FSTL4: variants seen among roughly 807,000 people sequenced by gnomAD.
FSTL4 encodes follistatin like 4.
A neutral mutation model predicts 78.2 loss-of-function variants in FSTL4; 28 were observed. The observed-to-expected ratio is 0.36, with a 90% CI of 0.27 to 0.49. FSTL4 has a LOEUF of 0.49. Ranked by LOEUF, FSTL4 falls within the 20% of genes least tolerant of loss-of-function variation. FSTL4 has a pLI of 0.98. For missense variants in FSTL4, 922 were observed against 1,084.9 expected (o/e 0.85, Z 2.11); for synonymous variants, 422 against 440.5 (o/e 0.96, Z 0.53).
rs953391364 is a variant in FSTL4 at position 133,583,360 on chromosome 5, G to A, written c.127-16141C>T. On this transcript the variant is annotated intron_variant, in intron 2 of 15. Coordinates refer to ENST00000265342, the MANE Select transcript of FSTL4 (RefSeq NM_015082.2). ...CCAGCGTGAGCGACGCAGAAGACGGGTGATTTCTGCATTTCCATCTGAGGT... is the reference window on the plus strand; with the variant it reads ...CCAGCGTGAGCGACGCAGAAGACGGATGATTTCTGCATTTCCATCTGAGGT... The A allele has an allele frequency of 2.6e-5, 7 of 270,516 alleles. 1 individual carries two copies. The highest frequency in any genetic ancestry group is 4.5e-5 in the Non-Finnish European group (6 of 133,788). 16.8% of individuals were successfully genotyped at this position (270,516 alleles called of 1,614,324 possible).
intron 4 of FSTL4, among the ~76,000 whole-genome samples, chr5:133,331,675 G>T (rs561652476): frequency 5.3e-5 from 8 of 152,330 alleles, no homozygotes; most frequent in African/African-American, 1.7e-4. Flanking sequence ...ACGGCTCAGA[G>T]AAATTTCCTG....
chr5:133,253,362 G>T (rs2126826906), intron 6 of FSTL4, among the ~76,000 whole-genome samples: 1 of 152,332 alleles, frequency 6.6e-6, no homozygotes, highest in Middle Eastern at 3.4e-3. Flanking sequence ...AAGCTCAGTG[G>T]CCTTGGCAGC....
intron 4 of FSTL4, chr5:133,334,010 C>T (rs948573732): frequency 1.3e-5 from 2 of 152,270 alleles, no homozygotes; most frequent in Non-Finnish European, 2.9e-5. Flanking sequence ...CGAGGTCTCA[C>T]CTAGAGCAGG....
At chr5:133,560,658 C>G (rs1179280486) in intron 3 of FSTL4, among the ~76,000 whole-genome samples, 1 of 151,926 alleles carries the variant, frequency 6.6e-6, no homozygotes, top group Non-Finnish European at 1.5e-5. Context: ...GCCACCGTGC[C>G]CGGTCGTTTG....
chr5:133,221,687 T>C (rs906159733), intron 11 of FSTL4, among the ~76,000 whole-genome samples: 5 of 152,124 alleles, frequency 3.3e-5, no homozygotes, highest in Admixed American at 6.5e-5. Flanking sequence ...CTGTCCCTCA[T>C]TCTGTCTCTA....
At position 133,400,720 on chromosome 5, in the gene FSTL4, C is replaced by A; in HGVS notation, c.409+18G>T. The A allele has an allele frequency of 6.2e-7, 1 of 1,609,196 alleles. No homozygotes were observed. Among genetic ancestry groups the A allele is most frequent in the Non-Finnish European group, 8.5e-7 (1 of 1,176,038 alleles). Reference sequence around the variant, plus strand: ...CATCACAAAACCCAAAACCACAGGGCAAGGGCCCTGTTCCTACCTTTGAGG... The same window carrying A: ...CATCACAAAACCCAAAACCACAGGGAAAGGGCCCTGTTCCTACCTTTGAGG... On this transcript the variant is annotated intron_variant, in intron 4 of 15. Transcript: ENST00000265342.
chr5:133,537,705 G>C (rs1759377355), intron 3 of FSTL4, among the ~76,000 whole-genome samples: 1 of 151,756 alleles, frequency 6.6e-6, no homozygotes, highest in African/African-American at 2.4e-5. Context: ...CAGAAAAATA[G>C]CAAGAATAGT....
At chr5:133,796,689 T>A in the FSTL4 span, among the ~76,000 whole-genome samples, 1 of 152,006 alleles carries the variant, frequency 6.6e-6, no homozygotes, top group African/African-American at 2.4e-5. Context: ...TGTCTGCTTG[T>A]CTCATCTCCT....
chr5:133,724,696 T>A, the FSTL4 span, among the ~76,000 whole-genome samples: 1 of 152,238 alleles, frequency 6.6e-6, no homozygotes, highest in African/African-American at 2.4e-5. Flanking sequence ...AACAGTATCT[T>A]TAAAAGAACA....
At chr5:133,645,989 C>A in the FSTL4 span, among the ~76,000 whole-genome samples, 33 of 152,136 alleles carry the variant, frequency 2.2e-4, no homozygotes, top group African/African-American at 8.0e-4. Flanking sequence ...TGTGTTATGG[C>A]AAGCCCAGGA....
At chr5:133,365,824 A>C (rs907756027) in intron 4 of FSTL4, among the ~76,000 whole-genome samples, 1 of 152,228 alleles carries the variant, frequency 6.6e-6, no homozygotes, top group Non-Finnish European at 1.5e-5. Context: ...AGAACACCGA[A>C]TGCTGAAAAG....
At chr5:133,339,177 C>T (rs190038953) in intron 4 of FSTL4, among the ~76,000 whole-genome samples, 4 of 152,284 alleles carry the variant, frequency 2.6e-5, no homozygotes, top group African/African-American at 9.6e-5. Context: ...TAGAATCTTG[C>T]CCCCGCCCCT....
At chr5:133,728,492 A>T in the FSTL4 span, among the ~76,000 whole-genome samples, 1 of 152,246 alleles carries the variant, frequency 6.6e-6, no homozygotes, top group Admixed American at 6.5e-5. Context: ...CACCTTTATC[A>T]CTGGAAGCTG....
chr5:133,469,300 C>T (rs777587245), intron 3 of FSTL4, among the ~76,000 whole-genome samples: 2 of 152,162 alleles, frequency 1.3e-5, no homozygotes, highest in Non-Finnish European at 2.9e-5. Flanking sequence ...CTGCATTGGC[C>T]AGGGATGCAA....
intron 6 of FSTL4, among the ~76,000 whole-genome samples, chr5:133,301,533 G>T (rs796859591): frequency 8.5e-5 from 13 of 152,272 alleles, no homozygotes; most frequent in African/African-American, 3.1e-4. Context: ...TGTGGGGTGG[G>T]CTTGGAAGTG....
chr5:133,686,552 C>T, the FSTL4 span, among the ~76,000 whole-genome samples: 55,051 of 152,066 alleles, frequency 0.36, 10,044 homozygotes, highest in South Asian at 0.4. Flanking sequence ...ATTAACACAG[C>T]ATGGATAACT....
the FSTL4 span, among the ~76,000 whole-genome samples, chr5:133,835,363 T>A: frequency 6.6e-6 from 1 of 152,150 alleles, no homozygotes; most frequent in Non-Finnish European, 1.5e-5. Context: ...TGAGCCTCAA[T>A]TTGCTGACTG....
chr5:133,325,073 T>C (rs1754173083), intron 4 of FSTL4, among the ~76,000 whole-genome samples: 1 of 152,226 alleles, frequency 6.6e-6, no homozygotes, highest in African/African-American at 2.4e-5. Flanking sequence ...TGGGAATTGC[T>C]TCTGGAGAGG....
At chr5:133,533,687 G>A (rs1029562400) in intron 3 of FSTL4, among the ~76,000 whole-genome samples, 3 of 152,156 alleles carry the variant, frequency 2.0e-5, no homozygotes, top group African/African-American at 7.2e-5. Context: ...AGTGAGGAGC[G>A]GAACAAACAT....
Sources: allele counts gnomAD v4.1 joint callset (sites outside exome capture counted in the v4.1 genomes callset), GRCh38; gene constraint gnomAD v4.1.1; transcripts MANE v1.5; gene names NCBI Gene and HGNC (gene_info 2026-07-23, HGNC 2026-07-21).